CNBD1: variants seen among roughly 807,000 people sequenced by gnomAD.
CNBD1 encodes the protein cyclic nucleotide-binding domain-containing protein 1.
In CNBD1, 71 loss-of-function variants were observed where a neutral mutation model predicts 54.4. That is an observed-to-expected ratio of 1.30 (90% CI 1.08 to 1.59). The LOEUF is 1.59. Among genes scored for constraint, CNBD1 ranks in the 40% most tolerant of loss-of-function variants. The probability of loss-of-function intolerance (pLI) is 0.00; values close to 1 mark genes in which losing one functional copy is unlikely to be tolerated. For missense variants in CNBD1, 659 were observed against 518.0 expected (o/e 1.27, Z -2.64); for synonymous variants, 182 against 170.7 (o/e 1.07, Z -0.51).
At chr8:86,919,042 G>T (rs115134803) in intron 3 of CNBD1, among the ~76,000 whole-genome samples, 1,995 of 151,062 alleles carry the variant, frequency 0.013, 39 homozygotes, top group African/African-American at 0.046. Flanking sequence ...AAAAAAAAGA[G>T]AAAGGCAATT....
intron 4 of CNBD1, among the ~76,000 whole-genome samples, chr8:87,046,965 C>T (rs1810206991): frequency 6.6e-6 from 1 of 152,164 alleles, no homozygotes; most frequent in Non-Finnish European, 1.5e-5. Context: ...TGATGTAATA[C>T]TGGTAAGAGG....
intron 8 of CNBD1, among the ~76,000 whole-genome samples, chr8:87,335,202 T>C (rs1481017817): frequency 1.3e-5 from 2 of 152,202 alleles, no homozygotes; most frequent in African/African-American, 4.8e-5. Flanking sequence ...TGGAGAGTTC[T>C]GTAGGTATCT....
intron 4 of CNBD1, among the ~76,000 whole-genome samples, chr8:87,048,070 T>C (rs1206799539): frequency 6.6e-6 from 1 of 152,168 alleles, no homozygotes; most frequent in Non-Finnish European, 1.5e-5. Flanking sequence ...CAAGAGTTGA[T>C]ACCTGCAACC....
At chr8:86,883,320 T>C (rs1465275045) in intron 1 of CNBD1, among the ~76,000 whole-genome samples, 1 of 152,206 alleles carries the variant, frequency 6.6e-6, no homozygotes, top group Non-Finnish European at 1.5e-5. Flanking sequence ...TTTGGTTATC[T>C]TGAGTTTGCT....
intron 4 of CNBD1, among the ~76,000 whole-genome samples, chr8:87,061,454 A>G (rs1370635135): frequency 1.3e-5 from 2 of 152,170 alleles, no homozygotes; most frequent in Admixed American, 6.6e-5. Flanking sequence ...AATTTTTCTA[A>G]TCATAAAGAT....
chr8:86,950,262 G>A (rs1414245382), intron 4 of CNBD1, among the ~76,000 whole-genome samples: 1 of 151,436 alleles, frequency 6.6e-6, no homozygotes, highest in Admixed American at 6.6e-5. Flanking sequence ...TTTCACCATT[G>A]GTTTCACCAT....
At chr8:87,019,415 C>G (rs1563436997) in intron 4 of CNBD1, among the ~76,000 whole-genome samples, 1 of 152,186 alleles carries the variant, frequency 6.6e-6, no homozygotes, top group Non-Finnish European at 1.5e-5. Context: ...AAAACCTTTT[C>G]TCTCCCAAAT....
At chr8:87,425,594 TG>T (rs1253380115) in intron 2 of CNBD1, among the ~76,000 whole-genome samples, 1 of 152,108 alleles carries the variant, frequency 6.6e-6, no homozygotes, top group Non-Finnish European at 1.5e-5. Flanking sequence ...GGTGTCAGTG[TG>T]CCCCTGCTGG....
intron 10 of CNBD1, among the ~76,000 whole-genome samples, chr8:87,370,328 G>C (rs1225054475): frequency 2.0e-5 from 3 of 152,168 alleles, no homozygotes; most frequent in South Asian, 4.1e-4. Context: ...GGTTGAATTA[G>C]TTTACAGTCC....
intron 10 of CNBD1, among the ~76,000 whole-genome samples, chr8:87,361,213 T>C (rs897036467): frequency 2.6e-5 from 4 of 151,978 alleles, no homozygotes; most frequent in African/African-American, 9.7e-5. Flanking sequence ...CATCTTCTCC[T>C]CTTATAATTT....
intron 4 of CNBD1, among the ~76,000 whole-genome samples, chr8:87,125,016 T>C (rs1279260239): frequency 1.3e-5 from 2 of 151,846 alleles, no homozygotes; most frequent in East Asian, 3.9e-4. Context: ...ACAAATTATC[T>C]GAAAAGGAAG....
intron 10 of CNBD1, among the ~76,000 whole-genome samples, chr8:87,378,801 C>T (rs2130957013): frequency 6.6e-6 from 1 of 151,024 alleles, no homozygotes; most frequent in East Asian, 1.9e-4. Context: ...GAATGTTCTT[C>T]CATTTGTTTG....
Position 87,077,669 on chromosome 8 carries a change from T to A in CNBD1, c.432-128324T>A, listed in dbSNP as rs139411423. On this transcript the variant is annotated intron_variant, in intron 4 of 10. Coordinates refer to ENST00000518476, the MANE Select transcript of CNBD1 (RefSeq NM_173538.3). ...ACCTATGAGTGAGAACATGTGGCGT[T>A]TGGTTTTCTGTCATAGCGAGAGTTT... 2.5e-3 allele frequency among the ~76,000 whole-genome samples: 384 copies of A among 151,042 alleles called. 1 individual carries two copies. Among genetic ancestry groups the A allele is most frequent in the African/African-American group, 8.6e-3 (353 of 41,212 alleles).
At chr8:87,414,822 T>A (rs1325142403) in intron 2 of CNBD1, among the ~76,000 whole-genome samples, 1 of 152,082 alleles carries the variant, frequency 6.6e-6, no homozygotes, top group Non-Finnish European at 1.5e-5. Context: ...CATTATTTTT[T>A]ATGCTATTTT....
intron 4 of CNBD1, among the ~76,000 whole-genome samples, chr8:87,153,028 G>A (rs1003304092): frequency 6.6e-6 from 1 of 152,136 alleles, no homozygotes; most frequent in African/African-American, 2.4e-5. Context: ...AGGCTCCATA[G>A]CCTTCGTTCT....
chr8:87,317,203 C>T (rs773520649), intron 8 of CNBD1, among the ~76,000 whole-genome samples: 23 of 151,488 alleles, frequency 1.5e-4, no homozygotes, highest in African/African-American at 5.6e-4. Flanking sequence ...TTGATTTCTC[C>T]TTTTTTATTA....
In CNBD1 at chr8:87,159,030, T is replaced by C. The variant is rs866145040; in HGVS notation, c.432-46963T>C. ...ATCCATTATTTATTTCATTTTTTTG[T>C]AAGATCTAAGTAATATTTTTTGTAG... On this transcript the variant is annotated intron_variant, in intron 4 of 10. Transcript: ENST00000518476. Among the ~76,000 whole-genome samples, 4 of 152,326 alleles carry C rather than the reference T, an allele frequency of 2.6e-5. No homozygotes were observed. In the Middle Eastern group the frequency reaches 0.014, roughly 518 times the overall value.
chr8:87,300,701 G>GT (rs61665988), intron 8 of CNBD1, among the ~76,000 whole-genome samples: 152,119 of 152,146 alleles, frequency 1, 76,046 homozygotes, highest in Middle Eastern at 1. Flanking sequence ...ATATGTGTGT[G>GT]ATACACACAC....
intron 4 of CNBD1, among the ~76,000 whole-genome samples, chr8:86,982,162 T>C (rs1326774276): frequency 6.6e-6 from 1 of 152,194 alleles, no homozygotes; most frequent in Non-Finnish European, 1.5e-5. Flanking sequence ...TAATTAATGA[T>C]GTTGAACATG....
Sources: allele counts gnomAD v4.1 joint callset (sites outside exome capture counted in the v4.1 genomes callset), GRCh38; gene constraint gnomAD v4.1.1; transcripts MANE v1.5; gene names NCBI Gene and HGNC (gene_info 2026-07-23, HGNC 2026-07-21).